Variants in HECW1 observed in about 807,000 individuals in gnomAD.
The protein encoded by HECW1 is E3 ubiquitin-protein ligase HECW1.
Under a neutral mutation model 182.3 loss-of-function variants are expected in HECW1, and 61 were observed. That is an observed-to-expected ratio of 0.33 (90% CI 0.27 to 0.41). The LOEUF is 0.41. Ranked by LOEUF, HECW1 falls within the 10% of genes least tolerant of loss-of-function variation. The pLI, the probability that HECW1 is intolerant of heterozygous loss-of-function variation, is 1.00. For missense variants in HECW1, 1,739 were observed against 2,108.9 expected (o/e 0.82, Z 3.44); for synonymous variants, 859 against 832.6 (o/e 1.03, Z -0.55).
chr7:43,459,079 ATGCCTCCCACC>A (rs201081033), intron 13 of HECW1, among the ~76,000 whole-genome samples: 33 of 152,178 alleles, frequency 2.2e-4, no homozygotes, highest in Middle Eastern at 3.4e-3. Flanking sequence ...TGGCAGGAAA[ATGCCTCCCACC>A]TGCCTCCCAC....
chr7:43,552,426 A>AGGG (rs1325089933), intron 28 of HECW1, 90 bp downstream of exon 28: 4 of 883,154 alleles, frequency 4.5e-6, no homozygotes, highest in Non-Finnish European at 7.7e-6. Context: ...AAATTGATGT[A>AGGG]AAATAAAATT....
At chr7:43,264,527 G>C (rs1801525704) in intron 3 of HECW1, among the ~76,000 whole-genome samples, 1 of 151,910 alleles carries the variant, frequency 6.6e-6, no homozygotes, top group African/African-American at 2.4e-5. Flanking sequence ...TTCTTCAATA[G>C]AGCATCTGTC....
At chr7:43,318,239 A>G (rs1809589953) in intron 4 of HECW1, among the ~76,000 whole-genome samples, 1 of 152,214 alleles carries the variant, frequency 6.6e-6, no homozygotes. Flanking sequence ...AACTGCTATA[A>G]TGAGGCAAAT....
At chr7:43,488,589 G>A (rs1360937264) in intron 17 of HECW1, among the ~76,000 whole-genome samples, 2 of 152,184 alleles carry the variant, frequency 1.3e-5, no homozygotes. Context: ...GCTGTCAGAC[G>A]TCCCTCGGGA....
chr7:43,206,079 C>A (rs766149133), intron 2 of HECW1, among the ~76,000 whole-genome samples: 1 of 152,204 alleles, frequency 6.6e-6, no homozygotes. Flanking sequence ...TCTTTCTCCT[C>A]TTTACATTGG....
At chr7:43,273,544 A>G (rs75384009) in intron 3 of HECW1, among the ~76,000 whole-genome samples, 8,264 of 152,282 alleles carry the variant, frequency 0.054, 300 homozygotes, top group Middle Eastern at 0.11. Flanking sequence ...TTTAAGATAT[A>G]TTTCCTCTTT....
At chr7:43,203,688 C>T (rs1190565555) in intron 2 of HECW1, among the ~76,000 whole-genome samples, 1 of 152,130 alleles carries the variant, frequency 6.6e-6, no homozygotes, top group African/African-American at 2.4e-5. Flanking sequence ...GAACTCCTGA[C>T]CTCAAATGAT....
chr7:43,259,244 AGGTGTGGT>A (rs1280044509), intron 3 of HECW1, among the ~76,000 whole-genome samples: 2 of 152,070 alleles, frequency 1.3e-5, no homozygotes, highest in Non-Finnish European at 2.9e-5. Flanking sequence ...AACATTAGCC[AGGTGTGGT>A]GGTGCATGCC....
chr7:43,253,904 G>A (rs570294195), intron 3 of HECW1, among the ~76,000 whole-genome samples: 17 of 151,236 alleles, frequency 1.1e-4, no homozygotes, highest in South Asian at 4.2e-4. Context: ...GTGAAATTCC[G>A]TCTCAGAAAA....
intron 3 of HECW1, among the ~76,000 whole-genome samples, chr7:43,268,223 G>T (rs752461310): frequency 1.2e-4 from 19 of 152,198 alleles, no homozygotes; most frequent in Non-Finnish European, 2.8e-4. Context: ...TTCCAACTCA[G>T]CTACAGAATT....
In HECW1 at chr7:43,112,894, G is replaced by C. The variant is rs879645169; in HGVS notation, c.-310G>C. 5.1e-4 allele frequency: 113 copies of C among 221,294 alleles called. No individual in the cohort carries two copies. The highest frequency in any genetic ancestry group is 1.1e-3 in the South Asian group (6 of 5,442). 13.7% of individuals were successfully genotyped at this position (221,294 alleles called of 1,614,324 possible). A position where few individuals can be genotyped will look rare whatever the true frequency, so the allele number is the denominator to read the frequency against. On this transcript the variant is annotated 5_prime_UTR_variant, in exon 1 of 30. Transcript: ENST00000395891. The stretch of plus-strand genomic sequence containing the variant: ...CGTGCGCCCCCCAGCTCTAATCTGC[G>C]CGCTGACAGGAGCATGATCTGTGCC...
chr7:43,258,095 T>G (rs1271218446), intron 3 of HECW1, among the ~76,000 whole-genome samples: 2 of 152,168 alleles, frequency 1.3e-5, no homozygotes, highest in Non-Finnish European at 2.9e-5. Flanking sequence ...ATCTCAGCAC[T>G]GTGGGAGGCC....
At chr7:43,152,630 G>A (rs906515991) in intron 2 of HECW1, among the ~76,000 whole-genome samples, 2 of 151,976 alleles carry the variant, frequency 1.3e-5, no homozygotes, top group Non-Finnish European at 2.9e-5. Context: ...TTTCTTTCAA[G>A]TTCTTTTTAC....
intron 2 of HECW1, among the ~76,000 whole-genome samples, chr7:43,235,648 C>T (rs1485581394): frequency 1.3e-5 from 2 of 152,152 alleles, no homozygotes; most frequent in African/African-American, 4.8e-5. Flanking sequence ...GCAAAACTTT[C>T]CCATAGTCAT....
At chr7:43,232,856 G>A (rs1310160090) in intron 2 of HECW1, among the ~76,000 whole-genome samples, 2 of 152,150 alleles carry the variant, frequency 1.3e-5, no homozygotes, top group Admixed American at 1.3e-4. Flanking sequence ...GCCAATAATC[G>A]TCCTTTAACC....
intron 8 of HECW1, among the ~76,000 whole-genome samples, chr7:43,425,304 TGATA>T (rs60651990): frequency 0.017 from 2,534 of 148,356 alleles, 26 homozygotes; most frequent in Admixed American, 0.022. Flanking sequence ...GATAGATAGA[TGATA>T]GATAGATAGA....
At chr7:43,469,184 G>C in intron 16 of HECW1, 79 bp downstream of exon 16, 4 of 1,421,466 alleles carry the variant, frequency 2.8e-6, no homozygotes, top group Non-Finnish European at 3.9e-6. Flanking sequence ...GTGAGGAGGA[G>C]AGTGTGGGGA....
intron 19 of HECW1, among the ~76,000 whole-genome samples, chr7:43,499,249 C>A (rs1160716295): frequency 6.6e-6 from 1 of 152,016 alleles, no homozygotes; most frequent in African/African-American, 2.4e-5. Context: ...GGTCACTGCA[C>A]TGCAGAGTGA....
chr7:43,308,034 T>A (rs1357815295), intron 3 of HECW1, among the ~76,000 whole-genome samples: 1 of 113,804 alleles, frequency 8.8e-6, no homozygotes, highest in Non-Finnish European at 1.6e-5. Context: ...ATATTATATA[T>A]TATATTGTAT....
Sources: gnomAD v4.1 joint callset for allele counts (sites outside exome capture counted in the v4.1 genomes callset) on GRCh38, gnomAD v4.1.1 for gene constraint, MANE v1.5 for transcripts, NCBI Gene and HGNC (gene_info 2026-07-23, HGNC 2026-07-21) for gene names.